Variants in ANK3 observed in about 807,000 individuals in gnomAD.
ANK3 encodes the protein ankyrin-3.
ANK3 carries 57 observed loss-of-function variants against 370.9 expected under a neutral mutation model. That is an observed-to-expected ratio of 0.15 (90% CI 0.12 to 0.19). The LOEUF is 0.19. Ranked by LOEUF, ANK3 falls within the 10% of genes least tolerant of loss-of-function variation. The probability of loss-of-function intolerance (pLI) is 1.00; values close to 1 mark genes in which losing one functional copy is unlikely to be tolerated. For missense variants in ANK3, 4,439 were observed against 5,302.1 expected (o/e 0.84, Z 5.06); for synonymous variants, 1,929 against 1,946.3 (o/e 0.99, Z 0.23).
intron 2 of ANK3, among the ~76,000 whole-genome samples, chr10:60,573,997 C>T (rs185785558): frequency 3.9e-5 from 6 of 152,158 alleles, no homozygotes; most frequent in East Asian, 3.9e-4. Flanking sequence ...GAATGTAAAA[C>T]ACAGCCATAC....
chr10:60,654,448 A>G (rs901364637), intron 1 of ANK3, among the ~76,000 whole-genome samples: 2 of 152,308 alleles, frequency 1.3e-5, no homozygotes, highest in East Asian at 3.9e-4. Context: ...AGATGTCTTT[A>G]TTGAAGTTGA....
chr10:60,572,676 T>C, intron 2 of ANK3: 1 of 1,431,454 alleles, frequency 7.0e-7, no homozygotes, highest in East Asian at 2.5e-5. Context: ...ACCCAGCCCC[T>C]GCTGCTGTCA....
At chr10:60,082,888 G>A (rs75965790) in intron 33 of ANK3, 151 bp from the exon 34 acceptor site, 57,382 of 854,680 alleles carry the variant, frequency 0.067, 2,412 homozygotes, top group South Asian at 0.14. Context: ...TGCAGCAACC[G>A]GGGTGGTCAC....
chr10:60,044,320 T>C, intron 42 of ANK3: 1 of 984,386 alleles, frequency 1.0e-6, no homozygotes, highest in Non-Finnish European at 1.2e-6. Context: ...TGTGACAGAT[T>C]CACCAGGAAT....
intron 1 of ANK3, among the ~76,000 whole-genome samples, chr10:60,717,348 T>A (rs2079805059): frequency 6.6e-6 from 1 of 152,092 alleles, no homozygotes; most frequent in African/African-American, 2.4e-5. Flanking sequence ...CTGGCAAGGG[T>A]TCTGGGAGTG....
At position 60,051,724 on chromosome 10, in the gene ANK3, TA is replaced by T. The variant is rs1163117027; in HGVS notation, c.13065+3933del. ...CCATGATGTATATTTGTGAGAGTCT[TA>T]AAAAAAATTTAAGTGGAAGAAAATT... On this transcript the variant is annotated intron_variant, in intron 42 of 43. Transcript: ENST00000280772. The T allele has an allele frequency of 4.0e-5, 9 of 222,438 alleles. No homozygotes were observed. The South Asian group carries it at 4.8e-4, about 12-fold the overall frequency. The allele number at this position is 222,438 out of a possible 1,614,324, so 13.8% of individuals were successfully genotyped here. A position where few individuals can be genotyped will look rare whatever the true frequency, so the allele number is the denominator to read the frequency against.
At chr10:60,434,302 C>A (rs974486267) in intron 2 of ANK3, among the ~76,000 whole-genome samples, 8 of 152,096 alleles carry the variant, frequency 5.3e-5, no homozygotes, top group African/African-American at 1.9e-4. Flanking sequence ...GGCCCTATAG[C>A]ATAGCCCATG....
chr10:60,195,162 T>C (rs1407046179), intron 16 of ANK3, among the ~76,000 whole-genome samples: 2 of 150,116 alleles, frequency 1.3e-5, no homozygotes, highest in Non-Finnish European at 3.0e-5. Flanking sequence ...CCAAGGTGGG[T>C]GGATCACAAG....
intron 1 of ANK3, among the ~76,000 whole-genome samples, chr10:60,383,826 T>A (rs1364139244): frequency 6.6e-6 from 1 of 152,188 alleles, no homozygotes; most frequent in East Asian, 1.9e-4. Flanking sequence ...GTGTCAGAGA[T>A]ACCCAGGTAA....
chr10:60,517,979 A>G (rs1028758197), intron 2 of ANK3, among the ~76,000 whole-genome samples: 1 of 152,132 alleles, frequency 6.6e-6, no homozygotes, highest in African/African-American at 2.4e-5. Flanking sequence ...CATCATAAAC[A>G]TGAGAATAAT....
At chr10:60,500,465 C>A (rs191118537) in intron 2 of ANK3, among the ~76,000 whole-genome samples, 10 of 152,182 alleles carry the variant, frequency 6.6e-5, no homozygotes, top group Non-Finnish European at 1.2e-4. Context: ...ACCTTGTGCA[C>A]AAAAAGAGGT....
At chr10:60,716,321 A>C (rs1417282938) in intron 1 of ANK3, among the ~76,000 whole-genome samples, 4 of 152,182 alleles carry the variant, frequency 2.6e-5, no homozygotes, top group Non-Finnish European at 4.4e-5. Context: ...ATTGCTTCTC[A>C]TAAATAAAAG....
chr10:60,140,408 C>T (rs2094511367), intron 23 of ANK3: 1 of 1,613,588 alleles, frequency 6.2e-7, no homozygotes, highest in South Asian at 1.1e-5. Context: ...CCTGATGTTT[C>T]CAGGAATTCC....
chr10:60,682,031 T>A (rs974230025), intron 1 of ANK3, among the ~76,000 whole-genome samples: 3 of 152,082 alleles, frequency 2.0e-5, no homozygotes, highest in African/African-American at 7.2e-5. Flanking sequence ...CCTGTGGTCT[T>A]AGCTACTTAG....
intron 18 of ANK3, among the ~76,000 whole-genome samples, chr10:60,179,771 C>T (rs1005431241): frequency 2.0e-5 from 3 of 151,772 alleles, no homozygotes; most frequent in Non-Finnish European, 2.9e-5. Context: ...ACTCGTACAT[C>T]GAGGGGCTGT....
chr10:60,606,423 T>A (rs532431134), intron 2 of ANK3, among the ~76,000 whole-genome samples: 3 of 152,256 alleles, frequency 2.0e-5, no homozygotes, highest in Admixed American at 2.0e-4. Context: ...TCTTCCCTCA[T>A]TTGGTGATTA....
chr10:60,105,689 C>T (rs1338420244), intron 28 of ANK3, among the ~76,000 whole-genome samples: 1 of 152,090 alleles, frequency 6.6e-6, no homozygotes, highest in Non-Finnish European at 1.5e-5. Flanking sequence ...ATGGAATCAT[C>T]AAAATACTTA....
In ANK3 at chr10:60,301,919, C is replaced by T. The variant is rs139328231; in HGVS notation, c.115-22280G>A. Among the ~76,000 whole-genome samples the T allele has an allele frequency of 2.3e-4, 35 of 152,290 alleles. No homozygotes were observed. In the East Asian group the frequency reaches 6.0e-3, roughly 26 times the overall value. On this transcript the variant is annotated intron_variant, in intron 1 of 43. Transcript: ENST00000280772. ...TAGTACAGTTCTAATCAATAGTTCT[C>T]TTAAACCTTTAAGGCTTGAAGGAAC...
intron 1 of ANK3, among the ~76,000 whole-genome samples, chr10:60,289,265 T>C (rs902772592): frequency 2.4e-4 from 12 of 50,226 alleles, no homozygotes; most frequent in Non-Finnish European, 4.1e-4. Flanking sequence ...ATGCCCTGCC[T>C]TTTTTTTTTT....
Sources: allele counts gnomAD v4.1 joint callset (sites outside exome capture counted in the v4.1 genomes callset), GRCh38; gene constraint gnomAD v4.1.1; transcripts MANE v1.5; gene names NCBI Gene and HGNC (gene_info 2026-07-23, HGNC 2026-07-21).